TCP11: variants seen among roughly 807,000 people sequenced by gnomAD.
The protein encoded by TCP11 is T-complex protein 11 homolog.
A neutral mutation model predicts 45.0 loss-of-function variants in TCP11; 34 were observed. The ratio of observed to expected loss-of-function variants is 0.76; its 90% CI spans 0.57 to 1.01. TCP11 has a LOEUF of 1.01. Ranked by LOEUF, TCP11 falls within the 50% of genes least tolerant of loss-of-function variation. The pLI is 0.00. For synonymous variants in TCP11, 227 were observed against 227.0 expected, an observed-to-expected ratio of 1.00 and a Z score of 0.00; for missense variants, 523 against 598.1, an observed-to-expected ratio of 0.87 and a Z score of 1.31.
chr6:35,130,263 T>C (rs9380491), intron 3 of TCP11, among the ~76,000 whole-genome samples: 6,519 of 152,176 alleles, frequency 0.043, 297 homozygotes, highest in East Asian at 0.23. Context: ...GAAGATAACA[T>C]AGGAGGAAAT....
At chr6:35,141,070 G>C (rs1183393043) in intron 1 of TCP11, 135 bp downstream of exon 1, 2 of 1,222,728 alleles carry the variant, frequency 1.6e-6, no homozygotes, top group Non-Finnish European at 2.1e-6. Flanking sequence ...GGAGCGCTGG[G>C]CGGCAACGAG....
At chr6:35,126,569 A>G (rs558387682) in intron 4 of TCP11, among the ~76,000 whole-genome samples, 92 of 152,008 alleles carry the variant, frequency 6.1e-4, no homozygotes, top group African/African-American at 2.1e-3. Context: ...TTTAGACTCA[A>G]TTACAGCATT....
In TCP11 at chr6:35,136,199, C is replaced by CAG. The variant is rs780385706; in HGVS notation, c.142_143dup (p.Thr49Ter). 3.1e-6 allele frequency: 5 copies of CAG among 1,613,070 alleles called. No individual in the cohort carries two copies. In the African/African-American group the frequency reaches 4.0e-5, roughly 13 times the overall value. On this transcript the variant is annotated frameshift_variant, in exon 3 of 10. Coordinates refer to ENST00000311875, the MANE Select transcript of TCP11 (RefSeq NM_001370687.1). LOFTEE classifies it high-confidence loss of function. Reference sequence around the variant, plus strand: ...TGGAAACTTCATTAACGGTTTCTGTCAGACCTGTGACAGAAAGAACTGATG... The same window carrying CAG: ...TGGAAACTTCATTAACGGTTTCTGTCAGAGACCTGTGACAGAAAGAACTGATG...
intron 3 of TCP11, among the ~76,000 whole-genome samples, chr6:35,130,935 A>C (rs1336539063): frequency 6.6e-6 from 1 of 152,252 alleles, no homozygotes; most frequent in Non-Finnish European, 1.5e-5. Context: ...AGCTTTATTC[A>C]TAAGTGCCAA....
intron 2 of TCP11, among the ~76,000 whole-genome samples, chr6:35,138,424 C>A (rs762130954): frequency 6.6e-6 from 1 of 152,144 alleles, no homozygotes; most frequent in Non-Finnish European, 1.5e-5. Flanking sequence ...TTGTTATCCG[C>A]AACAACGCAG....
intron 1 of TCP11, 64 bp from the exon 2 acceptor site, chr6:35,140,948 GT>G: frequency 6.8e-7 from 1 of 1,468,180 alleles, no homozygotes; most frequent in Non-Finnish European, 9.0e-7. Context: ...TGCCAAGGGG[GT>G]CCCTGGGGGC....
Position 35,120,776 on chromosome 6 carries a change from A to T in TCP11, c.716-130T>A. On this transcript the variant is annotated intron_variant, in intron 6 of 9. Coordinates refer to ENST00000311875, the MANE Select transcript of TCP11 (RefSeq NM_001370687.1). The surrounding 1 kb of genome is among the most constrained non-coding windows in gnomAD (Gnocchi z 4.9). ...TTGAGGGTCTTTCTGTCTTAGATAA[A>T]TGTTCCTTCTCCCTCCCTTCACCTA... 1 of 1,401,786 alleles carries T rather than the reference A, an allele frequency of 7.1e-7. No homozygotes were observed. Among genetic ancestry groups the T allele is most frequent in the Non-Finnish European group, 9.7e-7 (1 of 1,027,666 alleles). The allele number at this position is 1,401,786 out of a possible 1,614,324, so 86.8% of individuals were successfully genotyped here.
At position 35,118,378 on chromosome 6, in the gene TCP11, A is replaced by G; in HGVS notation, c.1403T>C (p.Val468Ala). 6.2e-7 allele frequency: 1 copy of G among 1,614,190 alleles called. No homozygotes were observed. Among genetic ancestry groups the G allele is most frequent in the Non-Finnish European group, 8.5e-7 (1 of 1,180,020 alleles). The part of the protein sequence containing the change: ...AELAELGQKF[V>A]NLTHHNQQVF... ...CTGCTGATTGTGATGTGTCAAGTTG[A>G]CAAACTTTTGGCCCAGTTCTGCCAG... Residue 468 changes from valine (V) to alanine (A), a missense_variant, in exon 10 of 10, where the codon GTC becomes GCC. Around this residue, in one of 2 missense-constraint regions of TCP11, gnomAD observed 298 missense variants for 387.9 expected, o/e 0.77. Coordinates refer to ENST00000311875, the MANE Select transcript of TCP11 (RefSeq NM_001370687.1).
intron 3 of TCP11, among the ~76,000 whole-genome samples, chr6:35,129,766 A>G (rs2127667333): frequency 6.6e-6 from 1 of 152,142 alleles, no homozygotes; most frequent in African/African-American, 2.4e-5. Flanking sequence ...ACAAGGAGCA[A>G]AGGAAATTTG....
Position 35,120,514 on chromosome 6 carries a change from G to C in TCP11, c.848C>G (p.Pro283Arg), listed in dbSNP as rs770158711. 2.5e-6 allele frequency: 4 copies of C among 1,614,112 alleles called. No individual in the cohort carries two copies. The African/African-American group carries it at 4.0e-5, about 16-fold the overall frequency. The stretch of plus-strand genomic sequence containing the variant: ...CACCATTGTGGGGCTGAGGGGCTCT[G>C]GGTTGTTGGCTGCCTCATTGGGAGA... Reference protein sequence around the residue: ...GPSPNEAANNPEPLSPTMVLC... With the variant: ...GPSPNEAANNREPLSPTMVLC... The change falls in exon 7 of 10, where the codon CCA becomes CGA. Residue 283 changes from proline to arginine, a missense_variant. Transcript: ENST00000311875. This position sits in a 1 kb window ranked among gnomAD's most constrained non-coding sequence, Gnocchi z 4.9.
At chr6:35,132,853 T>G (rs1375856837) in intron 3 of TCP11, among the ~76,000 whole-genome samples, 1 of 152,110 alleles carries the variant, frequency 6.6e-6, no homozygotes, top group African/African-American at 2.4e-5. Flanking sequence ...CAGTTTCAGT[T>G]TTCTCTCCTC....
intron 4 of TCP11, among the ~76,000 whole-genome samples, chr6:35,125,185 A>C (rs1444131348): frequency 2.5e-4 from 31 of 122,032 alleles, no homozygotes; most frequent in Admixed American, 1.9e-3. Flanking sequence ...CTCTGTCTCA[A>C]AAAAAAAAAA....
In TCP11 at chr6:35,122,097, G is replaced by A; in HGVS notation, c.578+20C>T. The A allele has an allele frequency of 6.2e-7, 1 of 1,613,082 alleles. No homozygotes were observed. Among genetic ancestry groups the A allele is most frequent in the Non-Finnish European group, 8.5e-7 (1 of 1,179,096 alleles). ...TCAGGGGCTAAAGCAGGTTTTTGGG[G>A]GCAGTATCAAGTTTCATACCTCAGT... On this transcript the variant is annotated intron_variant, in intron 5 of 9. Coordinates refer to ENST00000311875, the MANE Select transcript of TCP11 (RefSeq NM_001370687.1).
chr6:35,140,550 CTT>C lies in TCP11; in HGVS notation c.124+195_124+196del, dbSNP rs1216753089. Reference sequence around the variant, plus strand: ...GATTCAAGTAATCACGCTTGGGTCACTTCTTTCTCTAGAACCAAAAACTCTTT... The same window carrying C: ...GATTCAAGTAATCACGCTTGGGTCACCTTTCTCTAGAACCAAAAACTCTTT... On this transcript the variant is annotated intron_variant, in intron 2 of 9. Coordinates refer to ENST00000311875, the MANE Select transcript of TCP11 (RefSeq NM_001370687.1). 17 of 673,236 alleles carry C rather than the reference CTT, an allele frequency of 2.5e-5. 1 individual carries two copies. The highest frequency in any genetic ancestry group is 4.1e-5 in the Non-Finnish European group (15 of 367,382). The allele number at this position is 673,236 out of a possible 1,614,324, so 41.7% of individuals were successfully genotyped here.
chr6:35,138,474 G>A (rs1781357585), intron 2 of TCP11, among the ~76,000 whole-genome samples: 1 of 151,894 alleles, frequency 6.6e-6, no homozygotes, highest in South Asian at 2.1e-4. Context: ...ATTAAGCCAG[G>A]CACAGAAAGA....
intron 4 of TCP11, among the ~76,000 whole-genome samples, chr6:35,126,650 C>CTTTTTT (rs56010838): frequency 3.0e-5 from 2 of 66,898 alleles, no homozygotes; most frequent in Non-Finnish European, 5.4e-5. Flanking sequence ...GAATCAAAGA[C>CTTTTTT]TTTTTTTTTT....
intron 4 of TCP11, among the ~76,000 whole-genome samples, chr6:35,124,216 G>A (rs1209484049): frequency 2.0e-5 from 3 of 152,334 alleles, no homozygotes; most frequent in South Asian, 2.1e-4. Context: ...GGATGGGGGA[G>A]TGCTAACTAA....
At chr6:35,127,722 C>T (rs1341473257) in intron 4 of TCP11, among the ~76,000 whole-genome samples, 2 of 152,128 alleles carry the variant, frequency 1.3e-5, no homozygotes, top group East Asian at 3.8e-4. Flanking sequence ...ATTTGAGGAG[C>T]GGCCAGTGAT....
chr6:35,125,027 C>T (rs559561543), intron 4 of TCP11, among the ~76,000 whole-genome samples: 1 of 151,036 alleles, frequency 6.6e-6, no homozygotes, highest in Admixed American at 6.6e-5. Flanking sequence ...ACTAAAAATA[C>T]AAAAAATTAG....
Sources: gnomAD v4.1 joint callset for allele counts (sites outside exome capture counted in the v4.1 genomes callset) on GRCh38, gnomAD v4.1.1 for gene constraint, gnomAD v4.1.1 regional missense constraint, Gnocchi (gnomAD v3.1) non-coding constraint, MANE v1.5 for transcripts, NCBI Gene and HGNC (gene_info 2026-07-23, HGNC 2026-07-21) for gene names.